Variants in ARK2N observed in about 807,000 individuals in gnomAD.
ARK2N encodes the protein arkadia (RNF111) N-terminal like PKA signaling regulator 2N.
chr18:46,236,744 G>GA, the ARK2N span, among the ~76,000 whole-genome samples: 1 of 152,078 alleles, frequency 6.6e-6, no homozygotes, highest in Non-Finnish European at 1.5e-5. Flanking sequence ...TAGCATAGAG[G>GA]AATAATCATG....
At chr18:46,211,852 C>T in the ARK2N span, among the ~76,000 whole-genome samples, 1 of 152,108 alleles carries the variant, frequency 6.6e-6, no homozygotes, top group Non-Finnish European at 1.5e-5. Context: ...CCTTTTATGC[C>T]ATTTATGTGA....
At chr18:46,259,028 AAT>A in the ARK2N span, among the ~76,000 whole-genome samples, 1 of 152,098 alleles carries the variant, frequency 6.6e-6, no homozygotes, top group Non-Finnish European at 1.5e-5. Flanking sequence ...GTTAAAAAAA[AAT>A]GTGTTAAAAG....
the ARK2N span, among the ~76,000 whole-genome samples, chr18:46,191,890 T>A: frequency 2.0e-5 from 3 of 152,226 alleles, no homozygotes; most frequent in African/African-American, 7.2e-5. Context: ...TTTTCCAGAA[T>A]GTCATACAAT....
chr18:46,224,120 T>C, the ARK2N span, among the ~76,000 whole-genome samples: 7 of 152,148 alleles, frequency 4.6e-5, no homozygotes, highest in Non-Finnish European at 1.0e-4. Context: ...TGTACACATG[T>C]TCAGGTGTTT....
At chr18:46,211,216 T>A in the ARK2N span, among the ~76,000 whole-genome samples, 1 of 152,086 alleles carries the variant, frequency 6.6e-6, no homozygotes, top group East Asian at 1.9e-4. Context: ...TTACTTTTGT[T>A]TTTATTTTTT....
chr18:46,180,712 A>AC, the ARK2N span, among the ~76,000 whole-genome samples: 2,641 of 152,122 alleles, frequency 0.017, 71 homozygotes, highest in African/African-American at 0.06. Flanking sequence ...TCAAAAAAAA[A>AC]AACAACAATA....
the ARK2N span, among the ~76,000 whole-genome samples, chr18:46,240,427 T>C: frequency 0.014 from 2,169 of 152,324 alleles, 60 homozygotes; most frequent in African/African-American, 0.049. Context: ...ATTGTAGGTA[T>C]TGGTAGGTTT....
At chr18:46,183,069 A>G in the ARK2N span, among the ~76,000 whole-genome samples, 1 of 151,906 alleles carries the variant, frequency 6.6e-6, no homozygotes, top group Non-Finnish European at 1.5e-5. Context: ...AAACCGAAAA[A>G]CTTACCACAC....
At chr18:46,216,572 A>T in the ARK2N span, 2 of 1,613,562 alleles carry the variant, frequency 1.2e-6, no homozygotes, top group Non-Finnish European at 1.7e-6. This position sits in a 1 kb window ranked among gnomAD's most constrained non-coding sequence, Gnocchi z 4.3. Flanking sequence ...GGGAGCAGCA[A>T]GACAATCACT....
chr18:46,264,545 T>C, the ARK2N span: 1 of 152,636 alleles, frequency 6.6e-6, no homozygotes, highest in Non-Finnish European at 1.5e-5. Context: ...ATTAAGAGTA[T>C]GAGAATTACC....
At chr18:46,246,607 CTCT>C in the ARK2N span, among the ~76,000 whole-genome samples, 1 of 70,474 alleles carries the variant, frequency 1.4e-5, no homozygotes, top group African/African-American at 4.7e-5. Context: ...TTTCTCATGC[CTCT>C]TATCTTGCAC....
At chr18:46,209,283 T>C in the ARK2N span, among the ~76,000 whole-genome samples, 5 of 143,228 alleles carry the variant, frequency 3.5e-5, no homozygotes, top group African/African-American at 1.3e-4. Context: ...GTTATAATAC[T>C]TCTCCACTTT....
the ARK2N span, among the ~76,000 whole-genome samples, chr18:46,196,207 G>A: frequency 1.3e-4 from 19 of 150,404 alleles, no homozygotes; most frequent in East Asian, 6.0e-4. Context: ...CTTGAACTCC[G>A]GACCTCAGGT....
chr18:46,256,477 G>A, the ARK2N span, among the ~76,000 whole-genome samples: 5 of 151,938 alleles, frequency 3.3e-5, no homozygotes, highest in Admixed American at 6.6e-5. Context: ...ATGAAAACCT[G>A]GAAATTTAAA....
At chr18:46,215,829 C>A in the ARK2N span, 12 of 1,530,078 alleles carry the variant, frequency 7.8e-6, no homozygotes, top group Non-Finnish European at 1.1e-5. Context: ...CCTGTTGCAT[C>A]TTTGATATCA....
At chr18:46,208,743 A>C in the ARK2N span, among the ~76,000 whole-genome samples, 4 of 152,144 alleles carry the variant, frequency 2.6e-5, no homozygotes, top group African/African-American at 9.7e-5. Context: ...CTGGGATTAC[A>C]GGCGTGAGCC....
chr18:46,235,848 G>A, the ARK2N span, among the ~76,000 whole-genome samples: 302 of 152,336 alleles, frequency 2.0e-3, 3 homozygotes, highest in Non-Finnish European at 3.3e-3. Flanking sequence ...GAAAAGTTAG[G>A]TTTTGTTTTG....
At chr18:46,174,831 GC>G in the ARK2N span, among the ~76,000 whole-genome samples, 2 of 152,268 alleles carry the variant, frequency 1.3e-5, no homozygotes, top group South Asian at 4.1e-4. Context: ...GCCGACACCT[GC>G]CCCTGCAGCG....
At chr18:46,195,807 C>G in the ARK2N span, among the ~76,000 whole-genome samples, 1 of 151,938 alleles carries the variant, frequency 6.6e-6, no homozygotes, top group African/African-American at 2.4e-5. Flanking sequence ...AACTCCTGAC[C>G]TCAAGTGATC....
Sources: gnomAD v4.1 joint callset for allele counts (sites outside exome capture counted in the v4.1 genomes callset) on GRCh38, gnomAD v4.1.1 for gene constraint, Gnocchi (gnomAD v3.1) non-coding constraint, MANE v1.5 for transcripts, NCBI Gene and HGNC (gene_info 2026-07-23, HGNC 2026-07-21) for gene names.